Variants in PDE4B observed in about 807,000 individuals in gnomAD.
PDE4B encodes the protein phosphodiesterase 4B.
A neutral mutation model predicts 82.2 loss-of-function variants in PDE4B; 20 were observed. That is an observed-to-expected ratio of 0.24 (90% CI 0.17 to 0.35). The LOEUF (loss-of-function observed/expected upper bound fraction) is 0.35. PDE4B is among the 10% of genes least tolerant of loss of function. The pLI, the probability that PDE4B is intolerant of heterozygous loss-of-function variation, is 1.00. For synonymous variants in PDE4B, 320 were observed against 318.9 expected (o/e 1.00, Z -0.04); for missense variants, 655 against 907.2 (o/e 0.72, Z 3.57).
At chr1:65,976,068 C>T (rs1019895077) in intron 3 of PDE4B, among the ~76,000 whole-genome samples, 5 of 152,172 alleles carry the variant, frequency 3.3e-5, no homozygotes, top group Admixed American at 6.5e-5. Flanking sequence ...CGACAGCTTG[C>T]ACCATGTGCC....
intron 3 of PDE4B, among the ~76,000 whole-genome samples, chr1:66,053,584 G>A (rs771630515): frequency 5.3e-5 from 8 of 152,158 alleles, no homozygotes; most frequent in Non-Finnish European, 8.8e-5. Context: ...GGGGCTGGGC[G>A]CAGTGGCTTA....
At chr1:66,271,128 G>T (rs867244184) in intron 7 of PDE4B, among the ~76,000 whole-genome samples, 1 of 152,176 alleles carries the variant, frequency 6.6e-6, no homozygotes, top group South Asian at 2.1e-4. Flanking sequence ...ATTGGTACTC[G>T]CAAAAACATT....
intron 1 of PDE4B, among the ~76,000 whole-genome samples, chr1:65,863,360 T>C (rs753849519): frequency 1.3e-5 from 2 of 152,204 alleles, no homozygotes; most frequent in African/African-American, 4.8e-5. Flanking sequence ...GGCACTGTGG[T>C]CTGAGAGACT....
At chr1:65,819,666 T>G (rs1210089184) in intron 1 of PDE4B, among the ~76,000 whole-genome samples, 1 of 151,906 alleles carries the variant, frequency 6.6e-6, no homozygotes, top group East Asian at 1.9e-4. Flanking sequence ...CGGCGGGCTA[T>G]TTTTTTGTAT....
intron 3 of PDE4B, among the ~76,000 whole-genome samples, chr1:66,093,457 T>G (rs963189418): frequency 6.6e-6 from 1 of 152,016 alleles, no homozygotes; most frequent in African/African-American, 2.4e-5. Context: ...AGGACTTTCT[T>G]GAGTTCTAAA....
chr1:65,852,699 C>T (rs1646345307), intron 1 of PDE4B, among the ~76,000 whole-genome samples: 1 of 151,854 alleles, frequency 6.6e-6, no homozygotes, highest in Non-Finnish European at 1.5e-5. Flanking sequence ...TTGGGGATTT[C>T]CATGTGATTT....
chr1:66,122,323 T>A (rs771101186), intron 3 of PDE4B, among the ~76,000 whole-genome samples: 8 of 152,238 alleles, frequency 5.3e-5, no homozygotes, highest in Non-Finnish European at 5.9e-5. Context: ...TTATTATATC[T>A]GCTGATTTTT....
At chr1:65,840,091 G>A (rs1646189644) in intron 1 of PDE4B, among the ~76,000 whole-genome samples, 1 of 152,100 alleles carries the variant, frequency 6.6e-6, no homozygotes, top group African/African-American at 2.4e-5. Context: ...AAAGATGGCT[G>A]AATTTCATAG....
chr1:65,968,042 C>A (rs1408489804), intron 3 of PDE4B, among the ~76,000 whole-genome samples: 2 of 151,816 alleles, frequency 1.3e-5, no homozygotes, highest in African/African-American at 2.4e-5. Flanking sequence ...AAAATGCATA[C>A]TTGATTGAGC....
At chr1:66,294,910 T>C (rs1369363136) in intron 7 of PDE4B, among the ~76,000 whole-genome samples, 1 of 152,192 alleles carries the variant, frequency 6.6e-6, no homozygotes. Flanking sequence ...GCTCTGTACC[T>C]GAGTGATTCA....
intron 3 of PDE4B, chr1:66,152,570 TTAAG>T (rs1235837696): frequency 2.6e-5 from 7 of 265,300 alleles, no homozygotes; most frequent in Admixed American, 6.1e-5. Context: ...ATATATATGA[TTAAG>T]TGTGTGCATA....
chr1:65,838,513 A>G (rs532749557), intron 1 of PDE4B, among the ~76,000 whole-genome samples: 2 of 147,992 alleles, frequency 1.4e-5, no homozygotes, highest in East Asian at 1.9e-4. Context: ...GTATATGTAT[A>G]TATATGTATA....
At chr1:66,059,233 T>G (rs1288413691) in intron 3 of PDE4B, among the ~76,000 whole-genome samples, 1 of 152,196 alleles carries the variant, frequency 6.6e-6, no homozygotes, top group Non-Finnish European at 1.5e-5. Flanking sequence ...AGCCTGGACC[T>G]TACTGTTCAT....
intron 16 of PDE4B, 54 bp downstream of exon 16, chr1:66,369,023 G>A: frequency 7.6e-7 from 1 of 1,322,770 alleles, no homozygotes. Flanking sequence ...TTATAGAGCT[G>A]GAGGGTTCTA....
chr1:66,035,367 T>C (rs1343630257), intron 3 of PDE4B, among the ~76,000 whole-genome samples: 1 of 152,152 alleles, frequency 6.6e-6, no homozygotes, highest in Admixed American at 6.5e-5. Flanking sequence ...TTCTGAAATA[T>C]CTGCTACATT....
At chr1:66,160,311 A>T (rs551487211) in intron 3 of PDE4B, among the ~76,000 whole-genome samples, 1 of 152,288 alleles carries the variant, frequency 6.6e-6, no homozygotes, top group East Asian at 1.9e-4. Flanking sequence ...CAATCCTTTC[A>T]ATTGCTTCTT....
intron 1 of PDE4B, among the ~76,000 whole-genome samples, chr1:65,833,997 T>C (rs2101308801): frequency 6.6e-6 from 1 of 152,300 alleles, no homozygotes; most frequent in Middle Eastern, 3.4e-3. Flanking sequence ...TGATGTGCTA[T>C]ATAATAGTGT....
At chr1:66,085,908 T>C (rs1170593833) in intron 3 of PDE4B, among the ~76,000 whole-genome samples, 1 of 152,092 alleles carries the variant, frequency 6.6e-6, no homozygotes, top group African/African-American at 2.4e-5. Context: ...ACGCTGCTGC[T>C]TGTTGTGTTA....
chr1:65,868,857 T>G (rs1350357427), intron 1 of PDE4B, among the ~76,000 whole-genome samples: 1 of 152,184 alleles, frequency 6.6e-6, no homozygotes, highest in Non-Finnish European at 1.5e-5. Flanking sequence ...GTTGCACACT[T>G]TTTATGAGAA....
Sources: allele counts gnomAD v4.1 joint callset (sites outside exome capture counted in the v4.1 genomes callset), GRCh38; gene constraint gnomAD v4.1.1; transcripts MANE v1.5; gene names NCBI Gene and HGNC (gene_info 2026-07-23, HGNC 2026-07-21).